SGIP1: variants seen among roughly 807,000 people sequenced by gnomAD.
SGIP1 encodes SH3-containing GRB2-like protein 3-interacting protein 1.
SGIP1 carries 38 observed loss-of-function variants against 107.5 expected under a neutral mutation model. The observed-to-expected ratio is 0.35, with a 90% CI of 0.27 to 0.46. SGIP1 has a LOEUF of 0.46. SGIP1 is among the 20% of genes least tolerant of loss of function. The probability of loss-of-function intolerance (pLI) is 1.00; values close to 1 mark genes in which losing one functional copy is unlikely to be tolerated. For missense variants in SGIP1, 929 were observed against 1,019.5 expected (o/e 0.91, Z 1.21); for synonymous variants, 365 against 366.1 (o/e 1.00, Z 0.03).
intron 15 of SGIP1, among the ~76,000 whole-genome samples, chr1:66,686,754 C>T (rs2088415174): frequency 6.6e-6 from 1 of 152,120 alleles, no homozygotes; most frequent in African/African-American, 2.4e-5. Flanking sequence ...CAAATCAGTA[C>T]AGAAAAAGTG....
intron 1 of SGIP1, among the ~76,000 whole-genome samples, chr1:66,592,823 G>T (rs2063863030): frequency 6.9e-6 from 1 of 144,538 alleles, no homozygotes; most frequent in Non-Finnish European, 1.5e-5. Context: ...ATTTCATATA[G>T]TTGGAATCAT....
chr1:66,685,605 A>G (rs573970897), intron 15 of SGIP1, among the ~76,000 whole-genome samples: 1 of 152,378 alleles, frequency 6.6e-6, no homozygotes, highest in South Asian at 2.1e-4. Context: ...CACACAGTCA[A>G]TAAACAAATT....
At chr1:66,559,798 C>A (rs1037134590) in intron 1 of SGIP1, among the ~76,000 whole-genome samples, 1 of 152,010 alleles carries the variant, frequency 6.6e-6, no homozygotes, top group South Asian at 2.1e-4. Context: ...GTTTCCAACC[C>A]AGTTATTTAG....
At chr1:66,559,352 A>G (rs2058617168) in intron 1 of SGIP1, among the ~76,000 whole-genome samples, 1 of 152,064 alleles carries the variant, frequency 6.6e-6, no homozygotes, top group South Asian at 2.1e-4. Context: ...TTATGGAGCT[A>G]CTACTTTTCC....
At chr1:66,564,396 T>A (rs774831113) in intron 1 of SGIP1, among the ~76,000 whole-genome samples, 2 of 151,932 alleles carry the variant, frequency 1.3e-5, no homozygotes, top group African/African-American at 2.4e-5. Context: ...AGTGACCGGA[T>A]GAAGTTAGGC....
At chr1:66,630,813 AAG>A (rs1427604071) in intron 2 of SGIP1, among the ~76,000 whole-genome samples, 48 of 5,582 alleles carry the variant, frequency 8.6e-3, no homozygotes, top group African/African-American at 0.045. Context: ...GAAAGAAAGA[AAG>A]AAAGAAAGAA....
intron 18 of SGIP1, among the ~76,000 whole-genome samples, chr1:66,710,740 T>C (rs890624094): frequency 6.6e-6 from 1 of 152,164 alleles, no homozygotes; most frequent in East Asian, 1.9e-4. Flanking sequence ...TAGGATTCCA[T>C]GAAGTCAGTG....
At chr1:66,616,069 C>T (rs1331897709) in intron 1 of SGIP1, 1 of 152,206 alleles carries the variant, frequency 6.6e-6, no homozygotes, top group African/African-American at 2.4e-5. Flanking sequence ...AAAGAGAAGG[C>T]TTCATCAATG....
intron 7 of SGIP1, among the ~76,000 whole-genome samples, chr1:66,650,766 T>A (rs1462668981): frequency 6.6e-6 from 1 of 152,176 alleles, no homozygotes; most frequent in East Asian, 1.9e-4. Context: ...TTTGATGTGA[T>A]CTTTTCCTTT....
chr1:66,630,879 GAA>G (rs1406434817), intron 2 of SGIP1, among the ~76,000 whole-genome samples: 1 of 45,952 alleles, frequency 2.2e-5, no homozygotes. Flanking sequence ...AAGAAAGAAA[GAA>G]AGAAAGAAAG....
chr1:66,668,347 T>G (rs1286520308), intron 9 of SGIP1, among the ~76,000 whole-genome samples: 1 of 152,020 alleles, frequency 6.6e-6, no homozygotes, highest in African/African-American at 2.4e-5. Context: ...CCTGCCACCA[T>G]GCCCAGCTAA....
Position 66,722,548 on chromosome 1 carries a change from A to C in SGIP1, c.1742+3143A>C, listed in dbSNP as rs117199668. On this transcript the variant is annotated intron_variant, in intron 19 of 24. Transcript: ENST00000371037. ...ATTGAATTACTCACCTAATATTTAC[A>C]AAATGGCTACTATGTACCTGCCATT... 1.7e-3 allele frequency among the ~76,000 whole-genome samples: 253 copies of C among 152,334 alleles called. 8 individuals are homozygous for C. In the East Asian group the frequency reaches 0.043, roughly 26 times the overall value.
Position 66,744,161 on chromosome 1 carries a change from T to G in SGIP1, c.*1066T>G, listed in dbSNP as rs1231054465. On this transcript the variant is annotated 3_prime_UTR_variant, in exon 25 of 25. Transcript: ENST00000371037. ...CTGTTTAGATCCAGAAGGAGAGTTTTAATCATTGTTTATATCATTTGAGAA... is the reference window on the plus strand; with the variant it reads ...CTGTTTAGATCCAGAAGGAGAGTTTGAATCATTGTTTATATCATTTGAGAA... 6.6e-6 allele frequency: 1 copy of G among 152,204 alleles called. No individual in the cohort carries two copies. Among genetic ancestry groups the G allele is most frequent in the Admixed American group, 6.5e-5 (1 of 15,282 alleles). 9.4% of individuals were successfully genotyped at this position (152,204 alleles called of 1,614,324 possible). A position where few individuals can be genotyped will look rare whatever the true frequency, so the allele number is the denominator to read the frequency against.
intron 15 of SGIP1, among the ~76,000 whole-genome samples, chr1:66,687,230 A>G (rs962616593): frequency 6.6e-6 from 1 of 151,972 alleles, no homozygotes; most frequent in Non-Finnish European, 1.5e-5. Flanking sequence ...CTACAGATAG[A>G]CATTTTGGAC....
intron 3 of SGIP1, chr1:66,634,158 T>C: frequency 1.9e-6 from 3 of 1,608,994 alleles, no homozygotes; most frequent in Non-Finnish European, 2.5e-6. Flanking sequence ...GTTAACTCTG[T>C]CTCAGGTACT....
intron 1 of SGIP1, among the ~76,000 whole-genome samples, chr1:66,536,557 A>T (rs185984770): frequency 6.6e-6 from 1 of 152,260 alleles, no homozygotes; most frequent in Non-Finnish European, 1.5e-5. Flanking sequence ...TCTTATTCTG[A>T]AGGTGTGGTA....
chr1:66,591,788 G>A (rs2063680319), intron 1 of SGIP1, among the ~76,000 whole-genome samples: 1 of 152,172 alleles, frequency 6.6e-6, no homozygotes, highest in South Asian at 2.1e-4. Context: ...GATGTGGCAG[G>A]ACTATAGGGT....
intron 1 of SGIP1, among the ~76,000 whole-genome samples, chr1:66,584,466 T>C (rs1242116308): frequency 6.6e-6 from 1 of 152,154 alleles, no homozygotes; most frequent in Non-Finnish European, 1.5e-5. Flanking sequence ...CTCTAACCCA[T>C]GTTAAAATTT....
intron 1 of SGIP1, among the ~76,000 whole-genome samples, chr1:66,622,919 G>A (rs1022009696): frequency 4.6e-5 from 7 of 152,094 alleles, no homozygotes; most frequent in Admixed American, 6.5e-5. Context: ...ACTACCTGAA[G>A]TCAAAAATCA....
Sources: gnomAD v4.1 joint callset for allele counts (sites outside exome capture counted in the v4.1 genomes callset) on GRCh38, gnomAD v4.1.1 for gene constraint, MANE v1.5 for transcripts, NCBI Gene and HGNC (gene_info 2026-07-23, HGNC 2026-07-21) for gene names.